The following ZNF626 variants were observed in gnomAD, a reference collection of about 807,000 sequenced individuals.
The protein encoded by ZNF626 is zinc finger protein 626, also known as CTC-513N18.7.
Under a neutral mutation model 11.7 loss-of-function variants are expected in ZNF626, and 4 were observed. The observed-to-expected ratio is 0.34, with a 90% CI of 0.17 to 0.78. The LOEUF is 0.78. Ranked by LOEUF, ZNF626 falls within the 30% of genes least tolerant of loss-of-function variation. The probability of loss-of-function intolerance (pLI) is 0.57; values close to 1 mark genes in which losing one functional copy is unlikely to be tolerated. For synonymous variants in ZNF626, 179 were observed against 198.6 expected (o/e 0.90, Z 0.83); for missense variants, 588 against 587.1 (o/e 1.00, Z -0.01).
rs555037036 is a variant in ZNF626 at position 20,622,274 on chromosome 19, C to T, written c.*2016G>A. ...TTTTTAAATATATTGCATTTTATTA[C>T]GTAACAGTAAAATTAGTAAAATAAT... is the stretch of plus-strand genomic sequence containing the variant. On this transcript the variant is annotated 3_prime_UTR_variant, in exon 4 of 4. Transcript: ENST00000601440. The T allele has an allele frequency of 1.2e-4, 18 of 152,222 alleles. No individual in the cohort carries two copies. Among genetic ancestry groups the T allele is most frequent in the African/African-American group, 3.4e-4 (14 of 41,552 alleles). The allele number at this position is 152,222 out of a possible 1,614,324, so 9.4% of individuals were successfully genotyped here. A position where few individuals can be genotyped will look rare whatever the true frequency, so the allele number is the denominator to read the frequency against.
At chr19:20,627,384 G>A (rs1351559786) in intron 3 of ZNF626, among the ~76,000 whole-genome samples, 1 of 151,730 alleles carries the variant, frequency 6.6e-6, no homozygotes, top group Non-Finnish European at 1.5e-5. Flanking sequence ...TATATTGTTG[G>A]ATCTTTTAGA....
At chr19:20,649,882 ATTAC>A in intron 1 of ZNF626, among the ~76,000 whole-genome samples, 1 of 152,254 alleles carries the variant, frequency 6.6e-6, no homozygotes, top group East Asian at 1.9e-4. Flanking sequence ...AAGGTCTCTT[ATTAC>A]TTAGCACTCT....
chr19:20,661,419 C>T, intron 1 of ZNF626, 25 bp downstream of exon 1: 2 of 1,613,806 alleles, frequency 1.2e-6, no homozygotes, highest in Non-Finnish European at 1.7e-6. Flanking sequence ...TCTCCTCTCT[C>T]GGGATGTCGG....
At position 20,648,949 on chromosome 19, in the gene ZNF626, T is replaced by C. The variant is rs141593521; in HGVS notation, c.4-2544A>G. Among the ~76,000 whole-genome samples the C allele has an allele frequency of 5.3e-4, 81 of 152,340 alleles. 1 individual carries two copies. The East Asian group carries it at 0.011, about 20-fold the overall frequency. On this transcript the variant is annotated intron_variant, in intron 1 of 3. Transcript: ENST00000601440. ...TATAGGAAAGAAATATTTTTCAGACTCTTGACTATCGTAAGAATTTAAAGA... is the reference window on the plus strand; with the variant it reads ...TATAGGAAAGAAATATTTTTCAGACCCTTGACTATCGTAAGAATTTAAAGA...
rs557936242 is a variant in ZNF626 at position 20,637,522 on chromosome 19, T to C, written c.226+8162A>G. 2.6e-4 allele frequency among the ~76,000 whole-genome samples: 39 copies of C among 151,210 alleles called. No individual in the cohort carries two copies. In the East Asian group the frequency reaches 7.0e-3, roughly 27 times the overall value. ...AAAATTCTGCCTAAATTTGTTAATATACCATATAAAATAATTTTAATATCA... is the reference window on the plus strand; with the variant it reads ...AAAATTCTGCCTAAATTTGTTAATACACCATATAAAATAATTTTAATATCA... On this transcript the variant is annotated intron_variant, in intron 3 of 3. Coordinates refer to ENST00000601440, the MANE Select transcript of ZNF626 (RefSeq NM_001076675.3).
intron 1 of ZNF626, among the ~76,000 whole-genome samples, chr19:20,652,810 C>A (rs1036392169): frequency 4.1e-4 from 62 of 152,018 alleles, no homozygotes; most frequent in Admixed American, 4.1e-3. Context: ...TGGAGTAGCA[C>A]GCATGTTACC....
intron 1 of ZNF626, among the ~76,000 whole-genome samples, chr19:20,650,222 C>G (rs1176706158): frequency 6.7e-6 from 1 of 149,530 alleles, no homozygotes; most frequent in Non-Finnish European, 1.5e-5. Flanking sequence ...ATTGCTTCTT[C>G]TGTTTCTCTG....
At chr19:20,630,032 A>G (rs1346105709) in intron 3 of ZNF626, among the ~76,000 whole-genome samples, 1 of 152,160 alleles carries the variant, frequency 6.6e-6, no homozygotes, top group Non-Finnish European at 1.5e-5. Context: ...ATCTATTGAG[A>G]TAATCATGTG....
chr19:20,625,581 A>G lies in ZNF626; in HGVS notation c.296T>C (p.Val99Ala), dbSNP rs782220463. 1.9e-6 allele frequency: 3 copies of G among 1,604,940 alleles called. No individual in the cohort carries two copies. Among genetic ancestry groups the G allele is most frequent in the African/African-American group, 1.3e-5 (1 of 74,424 alleles). Residue 99 changes from valine to alanine, a missense_variant, in exon 4 of 4, where the codon GTA (valine) becomes GCA (alanine). Val to Ala is a moderately conservative substitution (Grantham distance 64). Around this residue, in one of 4 missense-constraint regions of ZNF626, gnomAD observed 524 missense variants for 470.1 expected, o/e 1.11. Coordinates refer to ENST00000601440, the MANE Select transcript of ZNF626 (RefSeq NM_001076675.3). ...TTCACATTTTTCATATCTTCTCAGT[A>G]CCACTTTTTGGAAAGAATCTTTCAT... ...QSMKDSFQKV[V>A]LRRYEKCEHD...
intron 1 of ZNF626, among the ~76,000 whole-genome samples, chr19:20,650,047 G>A (rs542405573): frequency 1.3e-5 from 2 of 152,288 alleles, no homozygotes; most frequent in East Asian, 1.9e-4. Flanking sequence ...ATGTACACAC[G>A]TACTAATGCA....
chr19:20,645,555 A>T, intron 3 of ZNF626, 129 bp downstream of exon 3: 1 of 1,552,312 alleles, frequency 6.4e-7, no homozygotes, highest in African/African-American at 1.4e-5. Flanking sequence ...ACAAACAAAA[A>T]ATAGCTGCCC....
At chr19:20,649,293 C>A (rs1351474249) in intron 1 of ZNF626, among the ~76,000 whole-genome samples, 2 of 152,158 alleles carry the variant, frequency 1.3e-5, no homozygotes, top group African/African-American at 4.8e-5. Context: ...CTGTCCTTTA[C>A]AACAGAAGAC....
intron 3 of ZNF626, among the ~76,000 whole-genome samples, chr19:20,626,505 G>T (rs73535485): frequency 0.035 from 5,352 of 152,240 alleles, 204 homozygotes; most frequent in Middle Eastern, 0.092. Context: ...AACCACATTA[G>T]GTGAGAATTT....
intron 3 of ZNF626, among the ~76,000 whole-genome samples, chr19:20,637,446 T>C (rs1298585067): frequency 4.1e-5 from 6 of 147,898 alleles, no homozygotes; most frequent in Non-Finnish European, 5.9e-5. Flanking sequence ...GATTGTGCCA[T>C]TGCATTCCTG....
chr19:20,660,880 G>A (rs1970259667), intron 1 of ZNF626, among the ~76,000 whole-genome samples: 1 of 152,172 alleles, frequency 6.6e-6, no homozygotes, highest in African/African-American at 2.4e-5. Context: ...AAAGGGGGTA[G>A]AAGAAGAGGT....
intron 1 of ZNF626, among the ~76,000 whole-genome samples, chr19:20,654,833 A>G (rs1970187722): frequency 6.6e-6 from 1 of 151,820 alleles, no homozygotes; most frequent in Non-Finnish European, 1.5e-5. Context: ...TTTAGAAAAT[A>G]CTGTTTATGG....
At position 20,625,643 on chromosome 19, in the gene ZNF626, A is replaced by G; in HGVS notation, c.234T>C (p.Cys78=). The G allele has an allele frequency of 2.0e-6, 3 of 1,534,500 alleles. No homozygotes were observed. Among genetic ancestry groups the G allele is most frequent in the Non-Finnish European group, 2.6e-6 (3 of 1,146,258 alleles). ...NEMIAKPSVM[C]SHFAQDLWPE... is the part of the protein sequence containing the mutation. ...GCCAAAGGTCTTGGGCAAAATGAGAACACATTACTGAAAGAAACAATAAAA... is the reference window on the plus strand; with the variant it reads ...GCCAAAGGTCTTGGGCAAAATGAGAGCACATTACTGAAAGAAACAATAAAA... Residue 78 remains cysteine (C), a synonymous_variant, in exon 4 of 4, where the codon TGT becomes TGC. Coordinates refer to ENST00000601440, the MANE Select transcript of ZNF626 (RefSeq NM_001076675.3).
At chr19:20,653,735 C>G (rs1238422929) in intron 1 of ZNF626, among the ~76,000 whole-genome samples, 3 of 152,126 alleles carry the variant, frequency 2.0e-5, no homozygotes, top group African/African-American at 7.2e-5. Flanking sequence ...TCCATCTCTG[C>G]TGTTCTCTCC....
intron 1 of ZNF626, among the ~76,000 whole-genome samples, chr19:20,653,112 AC>A (rs1555772733): frequency 6.6e-6 from 1 of 152,200 alleles, no homozygotes; most frequent in Non-Finnish European, 1.5e-5. Context: ...TATGGCATGC[AC>A]TTTTCTGCAC....
Sources: gnomAD v4.1 joint callset for allele counts (sites outside exome capture counted in the v4.1 genomes callset) on GRCh38, gnomAD v4.1.1 for gene constraint, gnomAD v4.1.1 regional missense constraint, MANE v1.5 for transcripts, NCBI Gene and HGNC (gene_info 2026-07-23, HGNC 2026-07-21) for gene names.